The following IQCH variants were observed in gnomAD, a reference collection of about 807,000 sequenced individuals.
The protein encoded by IQCH is IQ motif containing H.
In IQCH, 98 loss-of-function variants were observed where a neutral mutation model predicts 117.0. That is an observed-to-expected ratio of 0.84 (90% CI 0.71 to 0.99). IQCH has a LOEUF of 0.99. Ranked by LOEUF, IQCH falls within the 50% of genes least tolerant of loss-of-function variation. The pLI, the probability that IQCH is intolerant of heterozygous loss-of-function variation, is 0.00. For missense variants in IQCH, 1,102 were observed against 1,243.8 expected, an observed-to-expected ratio of 0.89 and a Z score of 1.72; for synonymous variants, 412 against 448.2, an observed-to-expected ratio of 0.92 and a Z score of 1.02.
At chr15:67,499,065 A>G (rs762796735) in intron 20 of IQCH, among the ~76,000 whole-genome samples, 7 of 152,060 alleles carry the variant, frequency 4.6e-5, no homozygotes, top group Non-Finnish European at 1.0e-4. Context: ...GGGAGGCTGA[A>G]GCGAAAGGAT....
In IQCH at chr15:67,467,267, G is replaced by C. The variant is rs144794148; in HGVS notation, c.2676+1970G>C. Among the ~76,000 whole-genome samples the C allele has an allele frequency of 1.3e-5, 2 of 152,264 alleles. No individual in the cohort carries two copies. Among genetic ancestry groups the C allele is most frequent in the Non-Finnish European group, 2.9e-5 (2 of 68,002 alleles). Reference sequence around the variant, plus strand: ...AAAGCTGGAAGCAGAGTGGTATTCAGCACAAGACTTCCAAAGACAATTGCA... The same window carrying C: ...AAAGCTGGAAGCAGAGTGGTATTCACCACAAGACTTCCAAAGACAATTGCA... On this transcript the variant is annotated intron_variant, in intron 17 of 20. Coordinates refer to ENST00000335894, the MANE Select transcript of IQCH (RefSeq NM_001031715.3). The surrounding 1 kb of genome is among the most constrained non-coding windows in gnomAD (Gnocchi z 5.7).
intron 4 of IQCH, among the ~76,000 whole-genome samples, chr15:67,311,840 CAA>C (rs1421389683): frequency 2.6e-5 from 4 of 151,946 alleles, no homozygotes; most frequent in Admixed American, 1.3e-4. Context: ...TATTTTTTAA[CAA>C]GAGCAAATCC....
rs540989659 is a variant in IQCH at position 67,426,598 on chromosome 15, A to G, written c.2505+5021A>G. ...AACCTCATACTCATTATTTAAACTT[A>G]CAAACTAAAAAAAAATAAAAATAAA... On this transcript the variant is annotated intron_variant, in intron 16 of 20. Transcript: ENST00000335894. This position sits in a 1 kb window ranked among gnomAD's most constrained non-coding sequence, Gnocchi z 5.1. 6.6e-6 allele frequency among the ~76,000 whole-genome samples: 1 copy of G among 150,678 alleles called. No individual in the cohort carries two copies. Among genetic ancestry groups the G allele is most frequent in the African/African-American group, 2.4e-5 (1 of 41,298 alleles).
intron 2 of IQCH, among the ~76,000 whole-genome samples, chr15:67,262,575 G>T (rs1190676960): frequency 3.9e-5 from 6 of 152,114 alleles, no homozygotes; most frequent in Non-Finnish European, 7.4e-5. Context: ...ATGCTTGCTT[G>T]AAGTCCCTGT....
At chr15:67,272,168 A>T (rs1457488244) in intron 3 of IQCH, among the ~76,000 whole-genome samples, 1 of 152,006 alleles carries the variant, frequency 6.6e-6, no homozygotes, top group Non-Finnish European at 1.5e-5. Context: ...TTCTTTATTG[A>T]CTGTCATTCA....
In IQCH at chr15:67,359,018, G is replaced by A. The variant is rs1322617955; in HGVS notation, c.715-829G>A. ...AATGGCCAAATCCCAAGACAGACAG[G>A]CCTTCAGGCGAGTGTTTGGCCTGCA... On this transcript the variant is annotated intron_variant, in intron 7 of 20. Transcript: ENST00000335894. This position sits in a 1 kb window ranked among gnomAD's most constrained non-coding sequence, Gnocchi z 4.5. 6.6e-6 allele frequency among the ~76,000 whole-genome samples: 1 copy of A among 152,194 alleles called. No individual in the cohort carries two copies. The highest frequency in any genetic ancestry group is 1.5e-5 in the Non-Finnish European group (1 of 68,032).
At chr15:67,418,372 C>T (rs541380399) in intron 15 of IQCH, among the ~76,000 whole-genome samples, 2 of 152,124 alleles carry the variant, frequency 1.3e-5, no homozygotes, top group African/African-American at 4.8e-5. Context: ...AGATTCTTTG[C>T]AGGGGACAGT....
intron 7 of IQCH, among the ~76,000 whole-genome samples, chr15:67,358,207 C>CTTTTTTTTTTTTT (rs71142373): frequency 0.4 from 4,132 of 10,390 alleles, 1,725 homozygotes; most frequent in South Asian, 0.47. Context: ...ACTTTCTTTT[C>CTTTTTTTTTTTTT]TTTTTTTTTT....
chr15:67,332,821 C>T (rs891390130), intron 4 of IQCH, among the ~76,000 whole-genome samples: 4 of 152,158 alleles, frequency 2.6e-5, no homozygotes, highest in Non-Finnish European at 5.9e-5. Flanking sequence ...AACTTTAACT[C>T]TAGAGCAGGG....
intron 4 of IQCH, among the ~76,000 whole-genome samples, chr15:67,299,201 G>T (rs550026617): frequency 1.3e-5 from 2 of 152,064 alleles, no homozygotes; most frequent in African/African-American, 4.8e-5. Context: ...TCACTTATTT[G>T]TGGAAGCTAA....
intron 16 of IQCH, among the ~76,000 whole-genome samples, chr15:67,460,408 C>A (rs2082762707): frequency 6.6e-6 from 1 of 152,160 alleles, no homozygotes; most frequent in Non-Finnish European, 1.5e-5. Context: ...AACTTTCTAT[C>A]CTCCTTTTGC....
Position 67,403,233 on chromosome 15 carries a change from G to C in IQCH, c.2097+2928G>C, listed in dbSNP as rs979004149. Among the ~76,000 whole-genome samples the C allele has an allele frequency of 1.3e-5, 2 of 151,374 alleles. No homozygotes were observed. The highest frequency in any genetic ancestry group is 1.9e-4 in the East Asian group (1 of 5,170). ...CCACTGCACTCCAGCCTGGGCGACA[G>C]AGTGAGACACTGTCTCAAAAAAAAA... is the stretch of plus-strand genomic sequence containing the variant. On this transcript the variant is annotated intron_variant, in intron 14 of 20. Coordinates refer to ENST00000335894, the MANE Select transcript of IQCH (RefSeq NM_001031715.3). This position sits in a 1 kb window ranked among gnomAD's most constrained non-coding sequence, Gnocchi z 4.8.
chr15:67,265,721 C>G (rs1965643247), intron 3 of IQCH, among the ~76,000 whole-genome samples: 1 of 152,192 alleles, frequency 6.6e-6, no homozygotes, highest in African/African-American at 2.4e-5. Flanking sequence ...GACATTTTCT[C>G]TGCTCCCAAT....
At chr15:67,329,117 G>A (rs948764595) in intron 4 of IQCH, among the ~76,000 whole-genome samples, 2 of 152,094 alleles carry the variant, frequency 1.3e-5, no homozygotes, top group East Asian at 3.9e-4. Context: ...TGGACACCAT[G>A]GTGAAACCTA....
At chr15:67,274,728 T>C (rs1966049840) in intron 3 of IQCH, among the ~76,000 whole-genome samples, 1 of 152,226 alleles carries the variant, frequency 6.6e-6, no homozygotes, top group Non-Finnish European at 1.5e-5. Context: ...TGTATGTCTG[T>C]TTCTTTGCAT....
rs2083659456 is a variant in IQCH, at chr15:67,491,726, A to G, written c.2861+1662A>G. 6.6e-6 allele frequency among the ~76,000 whole-genome samples: 1 copy of G among 152,052 alleles called. No individual in the cohort carries two copies. Among genetic ancestry groups the G allele is most frequent in the Non-Finnish European group, 1.5e-5 (1 of 68,006 alleles). On this transcript the variant is annotated intron_variant, in intron 19 of 20. Transcript: ENST00000335894. This position sits in a 1 kb window ranked among gnomAD's most constrained non-coding sequence, Gnocchi z 4.9. ...CCAGAATGATAACAGAGCCAGGGACACCTCTGGGCATGTGCAGGGAAGGAT... is the reference window on the plus strand; with the variant it reads ...CCAGAATGATAACAGAGCCAGGGACGCCTCTGGGCATGTGCAGGGAAGGAT...
At chr15:67,344,932 G>A (rs2140687417) in intron 6 of IQCH, among the ~76,000 whole-genome samples, 1 of 152,292 alleles carries the variant, frequency 6.6e-6, no homozygotes, top group African/African-American at 2.4e-5. Context: ...GGTTAAAATA[G>A]GAGTAGGGTG....
intron 4 of IQCH, among the ~76,000 whole-genome samples, chr15:67,295,923 G>A (rs1390121298): frequency 6.6e-6 from 1 of 152,078 alleles, no homozygotes; most frequent in Admixed American, 6.6e-5. Context: ...CATCACTCTG[G>A]TCTTAGTCTA....
At chr15:67,394,870 G>A (rs934906343) in intron 12 of IQCH, among the ~76,000 whole-genome samples, 4 of 152,112 alleles carry the variant, frequency 2.6e-5, no homozygotes, top group Admixed American at 6.5e-5. Flanking sequence ...AAGAGTTGCC[G>A]TGGTAGGAAT....
Sources: allele counts gnomAD v4.1 joint callset (sites outside exome capture counted in the v4.1 genomes callset), GRCh38; gene constraint gnomAD v4.1.1; non-coding constraint Gnocchi (gnomAD v3.1); transcripts MANE v1.5; gene names NCBI Gene and HGNC (gene_info 2026-07-23, HGNC 2026-07-21).